SNTG1: variants seen among roughly 807,000 people sequenced by gnomAD.
SNTG1 encodes gamma-1-syntrophin.
Under a neutral mutation model 74.7 loss-of-function variants are expected in SNTG1, and 39 were observed. The ratio of observed to expected loss-of-function variants is 0.52; its 90% CI spans 0.40 to 0.68. SNTG1 has a LOEUF of 0.68. Among genes scored for constraint, SNTG1 ranks in the 30% least tolerant of loss-of-function variants. The pLI is 0.00. For synonymous variants in SNTG1, 254 were observed against 217.1 expected (o/e 1.17, Z -1.49); for missense variants, 685 against 609.5 (o/e 1.12, Z -1.30).
intron 2 of SNTG1, among the ~76,000 whole-genome samples, chr8:50,305,394 G>C (rs1024376102): frequency 7.2e-5 from 11 of 151,862 alleles, no homozygotes; most frequent in Non-Finnish European, 1.5e-4. Flanking sequence ...TTACTAGAAT[G>C]TGTCTTCTTG....
At chr8:50,257,798 T>A (rs958421973) in intron 2 of SNTG1, among the ~76,000 whole-genome samples, 1 of 152,196 alleles carries the variant, frequency 6.6e-6, no homozygotes, top group Non-Finnish European at 1.5e-5. Flanking sequence ...ATAACCCTAC[T>A]GCCGCAAATG....
At chr8:50,635,712 G>C (rs1200054378) in intron 13 of SNTG1, among the ~76,000 whole-genome samples, 1 of 152,168 alleles carries the variant, frequency 6.6e-6, no homozygotes, top group Non-Finnish European at 1.5e-5. Context: ...CCTCTGGCCT[G>C]GGGTCAGAAA....
chr8:50,482,207 T>C (rs1043271323), intron 8 of SNTG1, among the ~76,000 whole-genome samples: 12 of 152,190 alleles, frequency 7.9e-5, no homozygotes, highest in African/African-American at 2.7e-4. Flanking sequence ...ACAGTGATAG[T>C]AGATATGAAA....
intron 1 of SNTG1, among the ~76,000 whole-genome samples, chr8:49,998,728 G>A (rs539453505): frequency 6.3e-4 from 96 of 152,086 alleles, no homozygotes; most frequent in African/African-American, 2.0e-3. Context: ...CAGGCATGGA[G>A]CTGTCATCTC....
At chr8:50,276,904 C>A (rs1368630462) in intron 2 of SNTG1, among the ~76,000 whole-genome samples, 1 of 152,006 alleles carries the variant, frequency 6.6e-6, no homozygotes, top group Non-Finnish European at 1.5e-5. Flanking sequence ...GTGGCATGAT[C>A]TTGGCTCACT....
At chr8:50,769,273 G>A (rs1055355963) in intron 18 of SNTG1, among the ~76,000 whole-genome samples, 1 of 151,872 alleles carries the variant, frequency 6.6e-6, no homozygotes, top group Non-Finnish European at 1.5e-5. Context: ...AAGGGAACAT[G>A]CCTATAGTAT....
chr8:50,260,747 TA>T (rs35500338), intron 2 of SNTG1, among the ~76,000 whole-genome samples: 78 of 140,516 alleles, frequency 5.6e-4, no homozygotes, highest in African/African-American at 1.9e-3. Flanking sequence ...ATAGCAATTC[TA>T]AAAAAAAAAA....
At chr8:50,327,496 G>T (rs528216886) in intron 2 of SNTG1, among the ~76,000 whole-genome samples, 1 of 152,074 alleles carries the variant, frequency 6.6e-6, no homozygotes, top group East Asian at 1.9e-4. Context: ...CTTTTGATTT[G>T]TATAAACATT....
intron 1 of SNTG1, among the ~76,000 whole-genome samples, chr8:50,020,617 A>T (rs1226350992): frequency 1.3e-5 from 2 of 151,970 alleles, no homozygotes; most frequent in Non-Finnish European, 2.9e-5. Context: ...TTGTTGTTTG[A>T]TTGGTTTTGA....
chr8:50,493,885 A>G (rs1023441261), intron 8 of SNTG1, among the ~76,000 whole-genome samples: 11 of 151,956 alleles, frequency 7.2e-5, no homozygotes, highest in Non-Finnish European at 1.3e-4. Context: ...CATTATCTCC[A>G]TTATTTTTCA....
chr8:50,670,630 T>C (rs1162340468), intron 15 of SNTG1, among the ~76,000 whole-genome samples: 2 of 142,140 alleles, frequency 1.4e-5, no homozygotes, highest in African/African-American at 2.7e-5. Context: ...AGGTAATTTA[T>C]AGATTCAATG....
chr8:49,918,315 A>G (rs939600548), intron 1 of SNTG1, among the ~76,000 whole-genome samples: 4 of 152,206 alleles, frequency 2.6e-5, no homozygotes, highest in East Asian at 3.8e-4. Context: ...ATAATATTAC[A>G]TAATATGTTT....
intron 9 of SNTG1, among the ~76,000 whole-genome samples, chr8:50,521,189 T>C (rs1327418874): frequency 6.6e-6 from 1 of 152,110 alleles, no homozygotes; most frequent in Non-Finnish European, 1.5e-5. Context: ...AAACACCAGG[T>C]TCTCACTCAT....
intron 5 of SNTG1, among the ~76,000 whole-genome samples, chr8:50,445,971 C>T (rs982403079): frequency 6.6e-6 from 1 of 152,126 alleles, no homozygotes; most frequent in African/African-American, 2.4e-5. Context: ...CAAAAATGAA[C>T]AGTTTCCAGG....
At chr8:49,977,273 GT>G (rs151332264) in intron 1 of SNTG1, among the ~76,000 whole-genome samples, 1 of 150,120 alleles carries the variant, frequency 6.7e-6, no homozygotes, top group African/African-American at 2.4e-5. Context: ...AATTTAGACT[GT>G]TTTTTTTTCA....
At chr8:50,555,779 TAA>T (rs1002479479) in intron 12 of SNTG1, among the ~76,000 whole-genome samples, 14 of 152,128 alleles carry the variant, frequency 9.2e-5, no homozygotes, top group Admixed American at 7.9e-4. Context: ...TATAAAATAA[TAA>T]GTTTGACAGT....
intron 12 of SNTG1, among the ~76,000 whole-genome samples, chr8:50,577,456 T>TG (rs1255877256): frequency 6.6e-6 from 1 of 151,534 alleles, no homozygotes; most frequent in South Asian, 2.1e-4. Context: ...TAGTTTTTTT[T>TG]TTTTGTTTTT....
At chr8:50,347,869 T>A (rs2091527687) in intron 2 of SNTG1, among the ~76,000 whole-genome samples, 1 of 152,216 alleles carries the variant, frequency 6.6e-6, no homozygotes, top group Non-Finnish European at 1.5e-5. Context: ...AATAGAGTTG[T>A]GGGGAAATAA....
intron 1 of SNTG1, among the ~76,000 whole-genome samples, chr8:50,094,069 A>G (rs1029527062): frequency 2.6e-5 from 4 of 152,132 alleles, no homozygotes; most frequent in Admixed American, 6.6e-5. Flanking sequence ...GCTTGAAGAT[A>G]CTGATGTCTG....
Sources: allele counts gnomAD v4.1 joint callset (sites outside exome capture counted in the v4.1 genomes callset), GRCh38; gene constraint gnomAD v4.1.1; transcripts MANE v1.5; gene names NCBI Gene and HGNC (gene_info 2026-07-23, HGNC 2026-07-21).